The following MYO5B variants were observed in gnomAD, a reference collection of about 807,000 sequenced individuals.
MYO5B encodes myosin VB.
MYO5B carries 143 observed loss-of-function variants against 229.3 expected under a neutral mutation model. That is an observed-to-expected ratio of 0.62 (90% confidence interval 0.54 to 0.72). MYO5B has a LOEUF of 0.72. MYO5B is among the 30% of genes least tolerant of loss of function. The probability of loss-of-function intolerance (pLI) is 0.00; values close to 1 mark genes in which losing one functional copy is unlikely to be tolerated. For missense variants in MYO5B, 2,321 were observed against 2,331.0 expected, an observed-to-expected ratio of 1.00 and a Z score of 0.09; for synonymous variants, 918 against 885.2, an observed-to-expected ratio of 1.04 and a Z score of -0.66.
chr18:49,896,375 A>T (rs1037569585), intron 21 of MYO5B, among the ~76,000 whole-genome samples: 4 of 152,260 alleles, frequency 2.6e-5, no homozygotes, highest in Middle Eastern at 3.4e-3. Context: ...ACAAAGAAGA[A>T]ATCCAATCAA....
chr18:49,912,657 C>G (rs542084771), intron 17 of MYO5B, among the ~76,000 whole-genome samples: 1 of 152,130 alleles, frequency 6.6e-6, no homozygotes, highest in Admixed American at 6.5e-5. Flanking sequence ...TCTTGCCTGC[C>G]GCCATGTAAG....
At chr18:49,899,736 A>G (rs918198077) in intron 21 of MYO5B, among the ~76,000 whole-genome samples, 8 of 152,350 alleles carry the variant, frequency 5.3e-5, no homozygotes, top group Admixed American at 2.0e-4. Flanking sequence ...AAATGAGTTA[A>G]TACGTGAGAA....
intron 33 of MYO5B, among the ~76,000 whole-genome samples, chr18:49,846,734 G>A (rs1386306203): frequency 6.6e-6 from 1 of 152,134 alleles, no homozygotes; most frequent in Admixed American, 6.5e-5. Context: ...GGGAGGTTGT[G>A]AGGATTAAAG....
chr18:50,192,651 AAG>A (rs1298381372), intron 1 of MYO5B, among the ~76,000 whole-genome samples: 1 of 152,234 alleles, frequency 6.6e-6, no homozygotes, highest in East Asian at 1.9e-4. Flanking sequence ...GCAATTTTGC[AAG>A]AGTTTCTGTG....
chr18:49,866,671 C>G (rs2024400603), intron 27 of MYO5B, among the ~76,000 whole-genome samples: 1 of 152,154 alleles, frequency 6.6e-6, no homozygotes, highest in Admixed American at 6.5e-5. Flanking sequence ...AGTCCCATTC[C>G]CCGGCCCTGC....
chr18:50,038,772 C>T (rs1033173596), intron 3 of MYO5B, among the ~76,000 whole-genome samples: 2 of 152,162 alleles, frequency 1.3e-5, no homozygotes, highest in African/African-American at 2.4e-5. Context: ...GAGGGTATTC[C>T]TTTAAAAACA....
chr18:49,872,099 T>C (rs2024461464), intron 27 of MYO5B, 68 bp downstream of exon 27: 2 of 1,462,796 alleles, frequency 1.4e-6, no homozygotes, highest in Admixed American at 1.7e-5. Flanking sequence ...GATTTCCTGA[T>C]GCCCAGATTT....
chr18:50,026,972 G>A (rs1273823077), intron 4 of MYO5B, among the ~76,000 whole-genome samples: 1 of 152,134 alleles, frequency 6.6e-6, no homozygotes, highest in Non-Finnish European at 1.5e-5. Flanking sequence ...TCAACTCTTA[G>A]CCGCCTTGCT....
At chr18:49,953,377 G>A (rs377274386) in intron 13 of MYO5B, 34 bp from the exon 14 acceptor site, 30 of 1,585,238 alleles carry the variant, frequency 1.9e-5, no homozygotes, top group Non-Finnish European at 2.3e-5. Context: ...AGACACAGTC[G>A]TTAGTGCTTC....
chr18:49,899,086 C>T (rs1373099231), intron 21 of MYO5B, among the ~76,000 whole-genome samples: 1 of 152,142 alleles, frequency 6.6e-6, no homozygotes, highest in Non-Finnish European at 1.5e-5. Context: ...GAGACAGAAC[C>T]CAGGCCTCTG....
At chr18:49,897,420 AC>A (rs2024791142) in intron 21 of MYO5B, among the ~76,000 whole-genome samples, 1 of 152,174 alleles carries the variant, frequency 6.6e-6, no homozygotes, top group African/African-American at 2.4e-5. Context: ...TTAGTTTTTA[AC>A]AAAAAAAAGT....
At chr18:49,987,790 G>A (rs2025886557) in intron 7 of MYO5B, among the ~76,000 whole-genome samples, 1 of 152,132 alleles carries the variant, frequency 6.6e-6, no homozygotes, top group African/African-American at 2.4e-5. Context: ...AGGGAAAATG[G>A]GCCCATTACA....
chr18:49,972,150 G>C (rs1427350102), intron 10 of MYO5B, among the ~76,000 whole-genome samples: 1 of 152,186 alleles, frequency 6.6e-6, no homozygotes, highest in Non-Finnish European at 1.5e-5. Context: ...CCTCCAGGTT[G>C]CCACCCCATC....
chr18:50,095,570 C>A (rs559752783), intron 1 of MYO5B, among the ~76,000 whole-genome samples: 1 of 152,302 alleles, frequency 6.6e-6, no homozygotes, highest in Admixed American at 6.5e-5. Flanking sequence ...TGTGTCTGCA[C>A]TGAGCCCTTA....
chr18:50,003,962 A>G (rs2026074463), intron 4 of MYO5B, among the ~76,000 whole-genome samples: 1 of 152,184 alleles, frequency 6.6e-6, no homozygotes, highest in African/African-American at 2.4e-5. Context: ...CACAGCACAC[A>G]CAGGATGCTG....
Position 49,825,895 on chromosome 18 carries a change from C to CT in MYO5B, c.*575dup, listed in dbSNP as rs2023837865. 6.3e-6 allele frequency: 1 copy of CT among 158,882 alleles called. No individual in the cohort carries two copies. Among genetic ancestry groups the CT allele is most frequent in the South Asian group, 1.8e-4 (1 of 5,428 alleles). 9.8% of individuals were successfully genotyped at this position (158,882 alleles called of 1,614,324 possible). A position where few individuals can be genotyped will look rare whatever the true frequency, so the allele number is the denominator to read the frequency against. On this transcript the variant is annotated 3_prime_UTR_variant, in exon 40 of 40. Transcript: ENST00000285039. ...GTCTGGAGGTCAGTTACACCACTGT[C>CT]TGTGTATAATCAGCCATTAAAAAAT... is the stretch of plus-strand genomic sequence containing the variant.
Position 49,980,541 on chromosome 18 carries a change from G to C in MYO5B, c.959C>G (p.Ser320Cys). ...TATCTTAAAAATGCTCATCTGATGGGACTCTTTCACTCCTGGAAAAGAAAA... is the reference window on the plus strand; with the variant it reads ...TATCTTAAAAATGCTCATCTGATGGCACTCTTTCACTCCTGGAAAAGAAAA... ...QAFTLLGVKE[S>C]HQMSIFKIIA... The change falls in exon 9 of 40, where the codon TCC becomes TGC. Residue 320 changes from serine to cysteine, a missense_variant. Transcript: ENST00000285039. 2 of 1,611,836 alleles carry C rather than the reference G, an allele frequency of 1.2e-6. No individual in the cohort carries two copies. The highest frequency in any genetic ancestry group is 1.7e-6 in the Non-Finnish European group (2 of 1,177,974).
At chr18:50,104,296 T>C (rs1370785746) in intron 1 of MYO5B, among the ~76,000 whole-genome samples, 1 of 132,828 alleles carries the variant, frequency 7.5e-6, no homozygotes, top group Non-Finnish European at 1.6e-5. Flanking sequence ...ATATATCTCA[T>C]AAATCTCAAA....
intron 4 of MYO5B, among the ~76,000 whole-genome samples, chr18:50,023,375 G>A (rs936713581): frequency 5.9e-5 from 9 of 152,050 alleles, no homozygotes; most frequent in East Asian, 1.9e-4. Flanking sequence ...ACCAAGCTGC[G>A]GCGTGACCAC....
Sources: allele counts gnomAD v4.1 joint callset (sites outside exome capture counted in the v4.1 genomes callset), GRCh38; gene constraint gnomAD v4.1.1; transcripts MANE v1.5; gene names NCBI Gene and HGNC (gene_info 2026-07-23, HGNC 2026-07-21).